ME3: variants seen among roughly 807,000 people sequenced by gnomAD.
The protein encoded by ME3 is NADP-dependent malic enzyme, mitochondrial.
In ME3, 48 loss-of-function variants were observed where a neutral mutation model predicts 68.9. The observed-to-expected ratio is 0.70, with a 90% CI of 0.55 to 0.89. The LOEUF (loss-of-function observed/expected upper bound fraction) is 0.89, where lower values mean the gene tolerates loss of function less well. Among genes scored for constraint, ME3 ranks in the 40% least tolerant of loss-of-function variants. The pLI is 0.00. For synonymous variants in ME3, 320 were observed against 318.8 expected (o/e 1.00, Z -0.04); for missense variants, 675 against 797.4 (o/e 0.85, Z 1.85).
intron 4 of ME3, among the ~76,000 whole-genome samples, chr11:86,527,092 A>T (rs1954813894): frequency 6.6e-6 from 1 of 152,214 alleles, no homozygotes; most frequent in Non-Finnish European, 1.5e-5. Flanking sequence ...GTTCGAACCC[A>T]TGGCAAAGAA....
intron 4 of ME3, among the ~76,000 whole-genome samples, chr11:86,550,697 T>TC (rs1276322046): frequency 6.6e-6 from 1 of 152,112 alleles, no homozygotes; most frequent in Non-Finnish European, 1.5e-5. Flanking sequence ...TCTGCTTGCC[T>TC]CCCAATTTTG....
intron 4 of ME3, among the ~76,000 whole-genome samples, chr11:86,527,453 A>G (rs1297926928): frequency 6.6e-6 from 1 of 152,250 alleles, no homozygotes; most frequent in Non-Finnish European, 1.5e-5. Context: ...CGGATATTAT[A>G]CATGAGAACT....
intron 2 of ME3, among the ~76,000 whole-genome samples, chr11:86,571,800 T>C (rs1012114759): frequency 3.3e-5 from 5 of 151,972 alleles, no homozygotes; most frequent in Non-Finnish European, 7.4e-5. Flanking sequence ...GCAGGGTAAA[T>C]AGGAGTTAGA....
chr11:86,591,569 A>C (rs867909166), intron 2 of ME3, among the ~76,000 whole-genome samples: 1 of 152,166 alleles, frequency 6.6e-6, no homozygotes, highest in African/African-American at 2.4e-5. Context: ...CAGTATCTTG[A>C]TCTTGGAGAT....
At chr11:86,531,991 C>CA (rs1955279476) in intron 4 of ME3, among the ~76,000 whole-genome samples, 41 of 137,862 alleles carry the variant, frequency 3.0e-4, no homozygotes, top group Non-Finnish European at 4.2e-4. Flanking sequence ...AAAAACCAAA[C>CA]CAAAAAAAAA....
exon 13 of ME3, chr11:86,446,382 C>G (rs1949294356): frequency 1.9e-6 from 3 of 1,614,194 alleles, no homozygotes. Context: ...CCCAGTGCCA[C>G]CCCGGGGAAC....
chr11:86,438,099 A>C (rs1300407119), downstream of ME3, among the ~76,000 whole-genome samples: 1 of 152,102 alleles, frequency 6.6e-6, no homozygotes, highest in Admixed American at 6.5e-5. Flanking sequence ...ATTAAATATG[A>C]TGTTATCTTT....
rs1270410111 is a variant in ME3, at chr11:86,450,414, C to A, written c.920-16G>T. ...GAGGCTGTGCCTGAAACAGAGTGGC[C>A]TGAGATCAACCTCTGGCCACAGGCC... is the stretch of plus-strand genomic sequence containing the variant. On this transcript the variant is annotated splice_polypyrimidine_tract_variant and intron_variant, in intron 8 of 14. Coordinates refer to ENST00000543262, the Ensembl canonical transcript of ME3. The A allele has an allele frequency of 1.2e-6, 2 of 1,610,086 alleles. No individual in the cohort carries two copies. Among genetic ancestry groups the A allele is most frequent in the African/African-American group, 2.7e-5 (2 of 74,842 alleles).
chr11:86,457,298 A>G (rs892191101), intron 8 of ME3: 6 of 166,472 alleles, frequency 3.6e-5, no homozygotes, highest in Non-Finnish European at 7.8e-5. Flanking sequence ...AGCTGAATAT[A>G]TTAACTGCAT....
At chr11:86,629,230 G>A (rs116548581) in intron 2 of ME3, among the ~76,000 whole-genome samples, 1 of 152,172 alleles carries the variant, frequency 6.6e-6, no homozygotes, top group Admixed American at 6.5e-5. Context: ...CCCTGAACTT[G>A]TATTCCTTCG....
At chr11:86,583,562 AT>A in intron 2 of ME3, among the ~76,000 whole-genome samples, 1 of 152,320 alleles carries the variant, frequency 6.6e-6, no homozygotes, top group Middle Eastern at 3.4e-3. Flanking sequence ...CACCCAATTA[AT>A]TAATTCATTC....
chr11:86,625,393 C>T (rs920895164), intron 2 of ME3, among the ~76,000 whole-genome samples: 2 of 151,954 alleles, frequency 1.3e-5, no homozygotes, highest in Admixed American at 6.6e-5. Flanking sequence ...AATACAGGAA[C>T]AATGATGAAT....
chr11:86,453,087 C>G (rs1405647489), intron 8 of ME3, among the ~76,000 whole-genome samples: 1 of 151,320 alleles, frequency 6.6e-6, no homozygotes, highest in Non-Finnish European at 1.5e-5. Flanking sequence ...CAACCTCTGC[C>G]TCCTGGATTC....
intron 7 of ME3, among the ~76,000 whole-genome samples, chr11:86,483,366 G>C (rs1303611963): frequency 6.6e-6 from 1 of 152,192 alleles, no homozygotes; most frequent in East Asian, 1.9e-4. Context: ...GTAACATTAA[G>C]GAGTGGGCCT....
At chr11:86,483,914 G>A (rs1467190927) in intron 7 of ME3, among the ~76,000 whole-genome samples, 1 of 152,236 alleles carries the variant, frequency 6.6e-6, no homozygotes, top group Non-Finnish European at 1.5e-5. Context: ...GAAAACTCGT[G>A]ACAGCAGGAG....
At chr11:86,485,620 CTTACTATCCATTGA>C (rs1222959823) in intron 7 of ME3, among the ~76,000 whole-genome samples, 1 of 152,164 alleles carries the variant, frequency 6.6e-6, no homozygotes, top group Non-Finnish European at 1.5e-5. Context: ...CTCACCAGGA[CTTACTATCCATTGA>C]TCACCCTTTC....
intron 2 of ME3, among the ~76,000 whole-genome samples, chr11:86,590,639 G>A (rs1264043886): frequency 6.6e-6 from 1 of 152,178 alleles, no homozygotes; most frequent in Admixed American, 6.5e-5. Flanking sequence ...TGATAGGACA[G>A]CTGTGCATCA....
intron 2 of ME3, among the ~76,000 whole-genome samples, chr11:86,588,866 G>A (rs1229799693): frequency 6.6e-6 from 1 of 152,146 alleles, no homozygotes; most frequent in Non-Finnish European, 1.5e-5. Flanking sequence ...CCCAGAGCCT[G>A]AGACAAAAGA....
At chr11:86,552,872 C>T (rs1339531808) in intron 4 of ME3, among the ~76,000 whole-genome samples, 1 of 152,130 alleles carries the variant, frequency 6.6e-6, no homozygotes, top group East Asian at 1.9e-4. Flanking sequence ...TTGCTTGGAG[C>T]CCAGGAGGAT....
Sources: gnomAD v4.1 joint callset for allele counts (sites outside exome capture counted in the v4.1 genomes callset) on GRCh38, gnomAD v4.1.1 for gene constraint, MANE v1.5 for transcripts, NCBI Gene and HGNC (gene_info 2026-07-23, HGNC 2026-07-21) for gene names.